SYNGR1: variants seen among roughly 807,000 people sequenced by gnomAD.
SYNGR1 encodes synaptogyrin 1.
A neutral mutation model predicts 26.1 loss-of-function variants in SYNGR1; 14 were observed. The observed-to-expected ratio is 0.54, with a 90% confidence interval of 0.35 to 0.84. The LOEUF (loss-of-function observed/expected upper bound fraction) is 0.84, where lower values mean the gene tolerates loss of function less well. Ranked by LOEUF, SYNGR1 falls within the 40% of genes least tolerant of loss-of-function variation. The pLI is 0.01. For missense variants in SYNGR1, 319 were observed against 332.9 expected (o/e 0.96, Z 0.33); for synonymous variants, 141 against 150.1 (o/e 0.94, Z 0.44).
At position 39,384,403 on chromosome 22, in the gene SYNGR1, C is replaced by G. The variant is rs553208529; in HGVS notation, c.*2489C>G. 8 of 397,792 alleles carry G rather than the reference C, an allele frequency of 2.0e-5. No individual in the cohort carries two copies. Among genetic ancestry groups the G allele is most frequent in the Non-Finnish European group, 2.2e-5 (5 of 225,992 alleles). 24.6% of individuals were successfully genotyped at this position (397,792 alleles called of 1,614,324 possible). A position where few individuals can be genotyped will look rare whatever the true frequency, so the allele number is the denominator to read the frequency against. ...GAATGGGGGGTGCTGAGTCATCTCA[C>G]GAAGAATCCCTCACTCTTCCCGGGT... On this transcript the variant is annotated 3_prime_UTR_variant, in exon 4 of 4. Transcript: ENST00000328933.
At chr22:39,374,111 G>A (rs930709903) in intron 1 of SYNGR1, among the ~76,000 whole-genome samples, 1 of 152,200 alleles carries the variant, frequency 6.6e-6, no homozygotes, top group African/African-American at 2.4e-5. Context: ...GCTGAGGAAG[G>A]AAGTGATTGA....
chr22:39,375,826 G>A, intron 2 of SYNGR1: 1 of 651,740 alleles, frequency 1.5e-6, no homozygotes, highest in Non-Finnish European at 2.8e-6. Flanking sequence ...CCTGTCTGTG[G>A]CCTCCTCCCC....
rs749006821 is a variant in SYNGR1 at position 39,381,908 on chromosome 22, C to T, written c.696C>T (p.Gly232=). Residue 232 remains glycine (G), a synonymous_variant, in exon 4 of 4, where the codon GGC becomes GGT. Coordinates refer to ENST00000328933, the MANE Select transcript of SYNGR1 (RefSeq NM_004711.5). ...DTEPQGYQSQ[G]Y Reference sequence around the variant, plus strand: ...AGCCCCAGGGCTACCAGTCGCAGGGCTACTGAGCCACAGTGACCGCCTGCC... The same window carrying T: ...AGCCCCAGGGCTACCAGTCGCAGGGTTACTGAGCCACAGTGACCGCCTGCC... The T allele has an allele frequency of 1.2e-5, 19 of 1,610,106 alleles. No homozygotes were observed. In the Admixed American group the frequency reaches 3.0e-4, roughly 26 times the overall value.
rs1189974224 is a variant in SYNGR1, at chr22:39,350,206, G to C, written c.99+97G>C. 1.3e-5 allele frequency: 11 copies of C among 816,142 alleles called. No individual in the cohort carries two copies. The South Asian group carries it at 4.8e-4, about 36-fold the overall frequency. The allele number at this position is 816,142 out of a possible 1,614,324, so 50.6% of individuals were successfully genotyped here. A position where few individuals can be genotyped will look rare whatever the true frequency, so the allele number is the denominator to read the frequency against. Reference sequence around the variant, plus strand: ...ACCGACCCCGACCCCGACCCCAACGGGCCCCCGGCGGCGGCGCGGCGGCGG... The same window carrying C: ...ACCGACCCCGACCCCGACCCCAACGCGCCCCCGGCGGCGGCGCGGCGGCGG... On this transcript the variant is annotated intron_variant, in intron 1 of 3. Transcript: ENST00000328933. This position sits in a 1 kb window ranked among gnomAD's most constrained non-coding sequence, Gnocchi z 4.3.
chr22:39,350,153 G>A lies in SYNGR1; in HGVS notation c.99+44G>A. The A allele has an allele frequency of 7.5e-7, 1 of 1,339,824 alleles. No homozygotes were observed. Among genetic ancestry groups the A allele is most frequent in the South Asian group, 1.5e-5 (1 of 66,742 alleles). 83.0% of individuals were successfully genotyped at this position (1,339,824 alleles called of 1,614,324 possible). A position where few individuals can be genotyped will look rare whatever the true frequency, so the allele number is the denominator to read the frequency against. ...ACGGCTCTGCCAGGCCGGGGTGGTG[G>A]GGGTGTGAGCAAAGGCGGCGCGCCC... On this transcript the variant is annotated intron_variant, in intron 1 of 3. Transcript: ENST00000328933. This position sits in a 1 kb window ranked among gnomAD's most constrained non-coding sequence, Gnocchi z 4.3.
intron 1 of SYNGR1, among the ~76,000 whole-genome samples, chr22:39,359,782 C>G (rs79951272): frequency 6.6e-6 from 1 of 151,956 alleles, no homozygotes; most frequent in African/African-American, 2.4e-5. Flanking sequence ...TGGTCTTGTC[C>G]GCCAGCCTCA....
At chr22:39,369,445 G>A (rs1924917624) in intron 1 of SYNGR1, among the ~76,000 whole-genome samples, 1 of 152,152 alleles carries the variant, frequency 6.6e-6, no homozygotes, top group African/African-American at 2.4e-5. Context: ...CGAGTCGCCT[G>A]ATCCCCAGTC....
At chr22:39,372,444 T>G (rs1350921025) in intron 1 of SYNGR1, among the ~76,000 whole-genome samples, 1 of 127,256 alleles carries the variant, frequency 7.9e-6, no homozygotes, top group Non-Finnish European at 1.7e-5. Context: ...AGCTCTTTTT[T>G]TTTTTTTTTT....
In SYNGR1 at chr22:39,350,170, G is replaced by T; in HGVS notation, c.99+61G>T. 8.2e-7 allele frequency: 1 copy of T among 1,223,082 alleles called. No homozygotes were observed. The allele number at this position is 1,223,082 out of a possible 1,614,324, so 75.8% of individuals were successfully genotyped here. ...GGGTGGTGGGGGTGTGAGCAAAGGC[G>T]GCGCGCCCGGACCGACCCCGACCCC... On this transcript the variant is annotated intron_variant, in intron 1 of 3. Coordinates refer to ENST00000328933, the MANE Select transcript of SYNGR1 (RefSeq NM_004711.5). This position sits in a 1 kb window ranked among gnomAD's most constrained non-coding sequence, Gnocchi z 4.3.
chr22:39,377,793 G>A (rs1925355829), intron 3 of SYNGR1: 4 of 1,542,134 alleles, frequency 2.6e-6, no homozygotes, highest in East Asian at 4.8e-5. Flanking sequence ...GGGCATGCAG[G>A]GCAGTGGAAG....
chr22:39,383,152 G>C lies in SYNGR1; in HGVS notation c.*1238G>C, dbSNP rs1464003791. ...ATCTGGGGTCAGTCAGGGTTCGGGG[G>C]CTGCAGCAGCCAAGCGCATGAGAGG... On this transcript the variant is annotated 3_prime_UTR_variant, in exon 4 of 4. Coordinates refer to ENST00000328933, the MANE Select transcript of SYNGR1 (RefSeq NM_004711.5). 1.3e-5 allele frequency: 2 copies of C among 152,524 alleles called. No homozygotes were observed. Among genetic ancestry groups the C allele is most frequent in the African/African-American group, 2.4e-5 (1 of 41,442 alleles). 9.4% of individuals were successfully genotyped at this position (152,524 alleles called of 1,614,324 possible). A position where few individuals can be genotyped will look rare whatever the true frequency, so the allele number is the denominator to read the frequency against.
intron 1 of SYNGR1, among the ~76,000 whole-genome samples, chr22:39,354,696 G>A (rs1924067019): frequency 6.6e-6 from 1 of 152,176 alleles, no homozygotes; most frequent in Admixed American, 6.5e-5. Flanking sequence ...AAAATTAGCT[G>A]AGCGTGGTGG....
At chr22:39,380,793 T>A (rs998039991) in intron 3 of SYNGR1, among the ~76,000 whole-genome samples, 1 of 151,772 alleles carries the variant, frequency 6.6e-6, no homozygotes, top group Non-Finnish European at 1.5e-5. Flanking sequence ...CTAATTTTTT[T>A]AATTTTCAGT....
At position 39,350,051 on chromosome 22, in the gene SYNGR1, C is replaced by A. The variant is rs1443334847; in HGVS notation, c.41C>A (p.Ala14Asp). 1 of 1,435,628 alleles carries A rather than the reference C, an allele frequency of 7.0e-7. No individual in the cohort carries two copies. The highest frequency in any genetic ancestry group is 9.3e-7 in the Non-Finnish European group (1 of 1,078,164). 88.9% of individuals were successfully genotyped at this position (1,435,628 alleles called of 1,614,324 possible). ...TACGGAGCGGGCAAAGCCGGGGGCG[C>A]CTTCGACCCCTACACCCTGGTCCGG... is the stretch of plus-strand genomic sequence containing the variant. Reference protein sequence around the residue: ...GAYGAGKAGGAFDPYTLVRQP... With the variant: ...GAYGAGKAGGDFDPYTLVRQP... Residue 14 changes from alanine to aspartate, a missense_variant, in exon 1 of 4, where the codon GCC becomes GAC. Ala to Asp is a moderately radical substitution (Grantham distance 126, BLOSUM62 -2). Transcript: ENST00000328933. The surrounding 1 kb of genome is among the most constrained non-coding windows in gnomAD (Gnocchi z 4.3).
At chr22:39,366,651 T>A (rs114318131) in intron 1 of SYNGR1, among the ~76,000 whole-genome samples, 7,938 of 151,562 alleles carry the variant, frequency 0.052, 685 homozygotes, top group African/African-American at 0.18. Flanking sequence ...ATCTCAAAAA[T>A]ATATATATAT....
chr22:39,367,019 G>A (rs1234494332), intron 1 of SYNGR1, among the ~76,000 whole-genome samples: 1 of 152,160 alleles, frequency 6.6e-6, no homozygotes, highest in Non-Finnish European at 1.5e-5. Flanking sequence ...TGGCACCTGT[G>A]GCTGCTTCTT....
intron 3 of SYNGR1, 39 bp downstream of exon 3, chr22:39,376,236 C>T: frequency 6.2e-7 from 1 of 1,613,626 alleles, no homozygotes; most frequent in Non-Finnish European, 8.5e-7. Flanking sequence ...CACTCGTCCC[C>T]TTTCCCCACT....
chr22:39,381,979 T>C lies in SYNGR1; in HGVS notation c.*65T>C. On this transcript the variant is annotated 3_prime_UTR_variant, in exon 4 of 4. Coordinates refer to ENST00000328933, the MANE Select transcript of SYNGR1 (RefSeq NM_004711.5). ...CCCTCTCTCCACACCCAGCCCCTGC[T>C]CCTGCCCAGGCTGCCCTGCCCAGCG... 6.6e-7 allele frequency: 1 copy of C among 1,517,876 alleles called. No homozygotes were observed. Among genetic ancestry groups the C allele is most frequent in the Non-Finnish European group, 8.9e-7 (1 of 1,124,764 alleles). The allele number at this position is 1,517,876 out of a possible 1,614,324, so 94.0% of individuals were successfully genotyped here.
chr22:39,380,281 C>G (rs1925454842), intron 3 of SYNGR1, among the ~76,000 whole-genome samples: 1 of 152,060 alleles, frequency 6.6e-6, no homozygotes, highest in Admixed American at 6.5e-5. Flanking sequence ...CAGTTTCTCA[C>G]TTAGAATTAG....
Sources: allele counts gnomAD v4.1 joint callset (sites outside exome capture counted in the v4.1 genomes callset), GRCh38; gene constraint gnomAD v4.1.1; non-coding constraint Gnocchi (gnomAD v3.1); transcripts MANE v1.5; gene names NCBI Gene and HGNC (gene_info 2026-07-23, HGNC 2026-07-21).